Variants in DNAH9 observed in about 807,000 individuals in gnomAD.
DNAH9 encodes the protein dynein axonemal heavy chain 9.
DNAH9 carries 345 observed loss-of-function variants against 471.6 expected under a neutral mutation model. The ratio of observed to expected loss-of-function variants is 0.73; its 90% confidence interval spans 0.67 to 0.80. The LOEUF is 0.80. Ranked by LOEUF, DNAH9 falls within the 30% of genes least tolerant of loss-of-function variation. DNAH9 has a pLI of 0.00. For synonymous variants in DNAH9, 2,093 were observed against 2,123.6 expected (o/e 0.99, Z 0.40); for missense variants, 5,407 against 5,609.2 (o/e 0.96, Z 1.15).
At chr17:11,954,071 C>A (rs1472863851) in intron 67 of DNAH9, 1 of 150,998 alleles carries the variant, frequency 6.6e-6, no homozygotes, top group African/African-American at 2.4e-5. Context: ...ATGAAAAAAC[C>A]AAAAAAAGTA....
rs769412770 is a variant in DNAH9 at position 11,768,587 on chromosome 17, C to T, written c.7305C>T (p.Leu2435=). 1.9e-5 allele frequency: 30 copies of T among 1,614,132 alleles called. No individual in the cohort carries two copies. In the South Asian group the frequency reaches 2.3e-4, roughly 12 times the overall value. Residue 2435 remains leucine (L), a synonymous_variant, in exon 37 of 69, where the codon CTC becomes CTT. Transcript: ENST00000262442. ...AGAAATTCGAGCCTTGGTCCAAGCT[C>T]GTCCCCCAGTTCGAATTTGACCCCG... ...ETKKFEPWSK[L]VPQFEFDPEM...
intron 49 of DNAH9, among the ~76,000 whole-genome samples, chr17:11,841,260 T>A (rs909456452): frequency 6.6e-6 from 1 of 152,290 alleles, no homozygotes. Context: ...TTTGCCAAGA[T>A]TAAGGATATG....
chr17:11,797,710 G>A lies in DNAH9; in HGVS notation c.8337G>A (p.Gln2779=). ...MPVQSWELLT[Q]TLVEALENHN... ...TACAGTCTTGGGAACTTTTGACCCA[G>A]ACTCTGGTGGAGGCCTTGGAGAACC... The change falls in exon 43 of 69, where the codon CAG becomes CAA. Residue 2779 remains glutamine, a synonymous_variant. Transcript: ENST00000262442. 6.2e-7 allele frequency: 1 copy of A among 1,614,210 alleles called. No individual in the cohort carries two copies. Among genetic ancestry groups the A allele is most frequent in the East Asian group, 2.2e-5 (1 of 44,884 alleles).
intron 49 of DNAH9, among the ~76,000 whole-genome samples, chr17:11,842,442 G>T (rs2150959954): frequency 6.6e-6 from 1 of 152,350 alleles, no homozygotes; most frequent in Admixed American, 6.5e-5. Flanking sequence ...ATGAAGTGGA[G>T]TTTATTAAGG....
In DNAH9 at chr17:11,850,230, GAGA is replaced by G. The variant is rs377361937; in HGVS notation, c.9508-3768_9508-3766del. On this transcript the variant is annotated intron_variant, in intron 49 of 68. Coordinates refer to ENST00000262442, the MANE Select transcript of DNAH9 (RefSeq NM_001372.4). ...GAAGGAGACGTCTGAGAAAAACTTGGAGAAGAACAAATGCATCGGGCAGATATT... is the reference window on the plus strand; with the variant it reads ...GAAGGAGACGTCTGAGAAAAACTTGGAGAACAAATGCATCGGGCAGATATT... Among the ~76,000 whole-genome samples, 169 of 152,284 alleles carry G rather than the reference GAGA, an allele frequency of 1.1e-3. 1 individual carries two copies. Among genetic ancestry groups the G allele is most frequent in the African/African-American group, 3.9e-3 (160 of 41,552 alleles).
At chr17:11,674,887 T>A (rs1043453434) in intron 17 of DNAH9, among the ~76,000 whole-genome samples, 2 of 152,194 alleles carry the variant, frequency 1.3e-5, no homozygotes, top group Non-Finnish European at 2.9e-5. Context: ...TGTAGCTTAG[T>A]AACAAATCTC....
At chr17:11,853,145 A>G (rs1461201338) in intron 49 of DNAH9, 3 of 151,836 alleles carry the variant, frequency 2.0e-5, no homozygotes, top group Non-Finnish European at 4.4e-5. Context: ...TGGAAACTGT[A>G]TCCAGGGTAA....
At chr17:11,903,003 A>G in intron 60 of DNAH9, 91 bp downstream of exon 60, 1 of 1,396,344 alleles carries the variant, frequency 7.2e-7, no homozygotes, top group Non-Finnish European at 9.8e-7. Context: ...CTCCAAAGCC[A>G]TGTGTATATA....
At chr17:11,903,023 TG>T in intron 60 of DNAH9, 111 bp downstream of exon 60, 1 of 1,221,684 alleles carries the variant, frequency 8.2e-7, no homozygotes, top group South Asian at 1.6e-5. Flanking sequence ...AGTAGTTTCC[TG>T]GAGCTAGAGG....
At position 11,689,819 on chromosome 17, in the gene DNAH9, G is replaced by A. The variant is rs1395907971; in HGVS notation, c.3997G>A (p.Glu1333Lys). 1 of 1,613,840 alleles carries A rather than the reference G, an allele frequency of 6.2e-7. No homozygotes were observed. The highest frequency in any genetic ancestry group is 8.5e-7 in the Non-Finnish European group (1 of 1,179,894). The change falls in exon 20 of 69, where the codon GAG becomes AAG. Residue 1333 changes from glutamate (E) to lysine (K), a missense_variant. Physicochemically the swap from Glu to Lys is moderately conservative, Grantham distance 56. Coordinates refer to ENST00000262442, the MANE Select transcript of DNAH9 (RefSeq NM_001372.4). ...GAGGAATATCAACGTGGAAGCCATG[G>A]AGTTGGAGTGCAAACAGTTTGCCCG... is the stretch of plus-strand genomic sequence containing the variant. ...PWRNINVEAM[E>K]LECKQFARHI...
intron 17 of DNAH9, among the ~76,000 whole-genome samples, chr17:11,673,961 T>A (rs1038539337): frequency 3.3e-5 from 5 of 152,220 alleles, no homozygotes; most frequent in African/African-American, 1.2e-4. Context: ...AAAAATGATA[T>A]TATTGTATGC....
chr17:11,606,453 C>CTT (rs57831450), intron 1 of DNAH9, among the ~76,000 whole-genome samples: 1 of 99,056 alleles, frequency 1.0e-5, no homozygotes, highest in African/African-American at 4.1e-5. Flanking sequence ...CTTTTCTTTT[C>CTT]TTTTTTTTTT....
intron 22 of DNAH9, among the ~76,000 whole-genome samples, chr17:11,698,192 A>AATATAT (rs1567728618): frequency 1.8e-4 from 3 of 16,870 alleles, no homozygotes; most frequent in South Asian, 2.1e-3. Context: ...TTATATTAAT[A>AATATAT]TAATAATATA....
rs58640137 is a variant in DNAH9, at chr17:11,780,210, A to G, written c.7553-799A>G. Among the ~76,000 whole-genome samples the G allele has an allele frequency of 2.7e-3, 414 of 152,370 alleles. 1 individual carries two copies. Among genetic ancestry groups the G allele is most frequent in the African/African-American group, 9.7e-3 (405 of 41,592 alleles). ...GAGTTTCTGCACTCTGTCTCCAGAA[A>G]GGCACCAAGGTGCTCAGATAGAGAG... is the stretch of plus-strand genomic sequence containing the variant. On this transcript the variant is annotated intron_variant, in intron 38 of 68. Transcript: ENST00000262442.
chr17:11,845,183 G>A (rs1971178302), intron 49 of DNAH9, among the ~76,000 whole-genome samples: 1 of 111,786 alleles, frequency 8.9e-6, no homozygotes, highest in Non-Finnish European at 1.7e-5. Context: ...AGTCCCCAGA[G>A]TGTGATGTTC....
At chr17:11,704,463 G>A (rs1444571026) in intron 25 of DNAH9, 21 bp downstream of exon 25, 1 of 1,609,918 alleles carries the variant, frequency 6.2e-7, no homozygotes, top group East Asian at 2.2e-5. Flanking sequence ...AACATCCAGG[G>A]ATGCCCACTT....
intron 13 of DNAH9, among the ~76,000 whole-genome samples, chr17:11,652,249 C>T (rs1277230964): frequency 6.7e-6 from 1 of 149,928 alleles, no homozygotes; most frequent in Non-Finnish European, 1.5e-5. Context: ...TCTTTCTCTT[C>T]CTCCATAATC....
intron 27 of DNAH9, among the ~76,000 whole-genome samples, chr17:11,724,087 TATC>T (rs1412981295): frequency 3.9e-5 from 6 of 152,202 alleles, no homozygotes; most frequent in Non-Finnish European, 7.3e-5. Context: ...TTATCAATAA[TATC>T]AATAATAATT....
At chr17:11,625,076 GCACA>G (rs3039431) in intron 6 of DNAH9, among the ~76,000 whole-genome samples, 48,963 of 149,924 alleles carry the variant, frequency 0.33, 9,121 homozygotes, top group African/African-American at 0.5. Flanking sequence ...ATGCATCAGT[GCACA>G]CACACACACA....
Sources: gnomAD v4.1 joint callset for allele counts (sites outside exome capture counted in the v4.1 genomes callset) on GRCh38, gnomAD v4.1.1 for gene constraint, MANE v1.5 for transcripts, NCBI Gene and HGNC (gene_info 2026-07-23, HGNC 2026-07-21) for gene names.